MYO7B: variants seen among roughly 807,000 people sequenced by gnomAD.
MYO7B encodes the protein myosin VIIB, also known as unconventional myosin-VIIb.
In MYO7B, 212 loss-of-function variants were observed where a neutral mutation model predicts 259.7. The ratio of observed to expected loss-of-function variants is 0.82; its 90% CI spans 0.73 to 0.91. The LOEUF is 0.91. Among genes scored for constraint, MYO7B ranks in the 40% least tolerant of loss-of-function variants. The pLI is 0.00. For missense variants in MYO7B, 2,732 were observed against 2,813.5 expected (o/e 0.97, Z 0.66); for synonymous variants, 1,197 against 1,166.4 (o/e 1.03, Z -0.54).
At position 127,612,587 on chromosome 2, in the gene MYO7B, C is replaced by G. The variant is rs774839915; in HGVS notation, c.3382C>G (p.Leu1128Val). 1.9e-6 allele frequency: 3 copies of G among 1,609,894 alleles called. No homozygotes were observed. ...GCACTTCATCGTGGGCTACGCCATC[C>G]TGCGGCCCAGCCTCAGGTCAGTTCC... The part of the protein sequence containing the change: ...KVHFIVGYAI[L>V]RPSLRDEIYC... The change falls in exon 26 of 48, where the codon CTG (leucine) becomes GTG (valine). Residue 1128 changes from leucine (L) to valine (V), a missense_variant. This residue lies in a region of MYO7B where 1,906 missense variants were observed against 2,026.4 expected (regional missense o/e 0.94). Transcript: ENST00000409816.
In MYO7B at chr2:127,598,880, C is replaced by T. The variant is rs561505380; in HGVS notation, c.2339+2324C>T. On this transcript the variant is annotated intron_variant, in intron 19 of 47. Transcript: ENST00000409816. Reference sequence around the variant, plus strand: ...CTTTTACATCTTTATCAAAACCTAGCGGTGTGGGTCTGTTTCTATGTTCTC... The same window carrying T: ...CTTTTACATCTTTATCAAAACCTAGTGGTGTGGGTCTGTTTCTATGTTCTC... Among the ~76,000 whole-genome samples, 12 of 152,242 alleles carry T rather than the reference C, an allele frequency of 7.9e-5. No homozygotes were observed. The South Asian group carries it at 1.9e-3, about 24-fold the overall frequency.
rs1679801646 is a variant in MYO7B, at chr2:127,597,132, T to C, written c.2339+576T>C. ...GGAGCAGGGAGCTAGGGCCCACAGC[T>C]AGAGAGGCAGCTGTGCTGCTGGGAA... is the stretch of plus-strand genomic sequence containing the variant. On this transcript the variant is annotated intron_variant, in intron 19 of 47. Coordinates refer to ENST00000409816, the MANE Select transcript of MYO7B (RefSeq NM_001393586.1). This position sits in a 1 kb window ranked among gnomAD's most constrained non-coding sequence, Gnocchi z 4.8. 6.6e-6 allele frequency among the ~76,000 whole-genome samples: 1 copy of C among 152,154 alleles called. No individual in the cohort carries two copies. Among genetic ancestry groups the C allele is most frequent in the Admixed American group, 6.5e-5 (1 of 15,272 alleles).
Position 127,635,700 on chromosome 2 carries a change from G to A in MYO7B, c.5821-22G>A, listed in dbSNP as rs746437273. ...TGGGCCGCAGCTGGAGACCCAGCAT[G>A]CCCAGTGTGTCCATCACCCAGGAGC... On this transcript the variant is annotated intron_variant, in intron 43 of 47. Coordinates refer to ENST00000409816, the MANE Select transcript of MYO7B (RefSeq NM_001393586.1). 3.8e-6 allele frequency: 6 copies of A among 1,586,176 alleles called. No individual in the cohort carries two copies. In the African/African-American group the frequency reaches 8.1e-5, roughly 21 times the overall value.
rs1263432247 is a variant in MYO7B, at chr2:127,607,315, G to A, written c.2534G>A (p.Gly845Glu). ...GTCCAGCTGCAGGCCCTGTGCAGGG[G>A]ATACCTGGTGCGCCAGCAAGTCCAG... ...RTVQLQALCRGYLVRQQVQAK... is the reference protein window; with the variant it reads ...RTVQLQALCREYLVRQQVQAK... The change falls in exon 21 of 48, where the codon GGA becomes GAA. Residue 845 changes from glycine to glutamate, a missense_variant. By Grantham distance (98) the Gly-to-Glu change is moderately conservative. Coordinates refer to ENST00000409816, the MANE Select transcript of MYO7B (RefSeq NM_001393586.1). This position sits in a 1 kb window ranked among gnomAD's most constrained non-coding sequence, Gnocchi z 4.4. 2 of 1,551,398 alleles carry A rather than the reference G, an allele frequency of 1.3e-6. No individual in the cohort carries two copies. Among genetic ancestry groups the A allele is most frequent in the Non-Finnish European group, 1.7e-6 (2 of 1,146,914 alleles).
rs777308486 is a variant in MYO7B at position 127,625,470 on chromosome 2, C to A, written c.4150C>A (p.His1384Asn). The change falls in exon 31 of 48, where the codon CAC becomes AAC. Residue 1384 changes from histidine to asparagine, a missense_variant. Physicochemically the swap from His to Asn is moderately conservative, Grantham distance 68. Around this residue, in one of 3 missense-constraint regions of MYO7B, gnomAD observed 1,906 missense variants for 2,026.4 expected, o/e 0.94. Coordinates refer to ENST00000409816, the MANE Select transcript of MYO7B (RefSeq NM_001393586.1). ...VQELLPSCIP[H>N]KLYRTKPPDR... ...GGAGCTGCTGCCCAGCTGCATCCCCCACAAGCTGTACAGGACCAAGCCCCC... is the reference window on the plus strand; with the variant it reads ...GGAGCTGCTGCCCAGCTGCATCCCCAACAAGCTGTACAGGACCAAGCCCCC... 3 of 1,612,362 alleles carry A rather than the reference C, an allele frequency of 1.9e-6. No individual in the cohort carries two copies. Among genetic ancestry groups the A allele is most frequent in the Non-Finnish European group, 2.5e-6 (3 of 1,179,708 alleles).
In MYO7B at chr2:127,548,914, T is replaced by C. The variant is rs566695219; in HGVS notation, c.-23-10786T>C. On this transcript the variant is annotated intron_variant, in intron 1 of 47. Transcript: ENST00000409816. ...GGCTTTTCCAGTTATCTTTCTGTTA[T>C]TGATTTCTAGTTTAATTCCATTGTG... Among the ~76,000 whole-genome samples, 8 of 152,364 alleles carry C rather than the reference T, an allele frequency of 5.3e-5. No homozygotes were observed. The South Asian group carries it at 6.2e-4, about 12-fold the overall frequency.
intron 28 of MYO7B, among the ~76,000 whole-genome samples, 158 bp from the exon 29 acceptor site, chr2:127,623,044 G>T (rs1239649493): frequency 1.3e-5 from 2 of 152,228 alleles, no homozygotes; most frequent in Non-Finnish European, 2.9e-5. Context: ...TCTATGCCAA[G>T]CCCATGGCCT....
chr2:127,622,283 C>T (rs915255381), intron 28 of MYO7B, among the ~76,000 whole-genome samples, 182 bp downstream of exon 28: 5 of 152,180 alleles, frequency 3.3e-5, no homozygotes, highest in African/African-American at 1.2e-4. Flanking sequence ...TCGGCCTCCC[C>T]AGGCGTGACC....
chr2:127,618,423 A>T (rs867672613), intron 26 of MYO7B, among the ~76,000 whole-genome samples: 1 of 152,142 alleles, frequency 6.6e-6, no homozygotes, highest in African/African-American at 2.4e-5. Flanking sequence ...GGAGGAGGTA[A>T]CGATTGGTCA....
At chr2:127,618,762 TG>T (rs1680691311) in intron 26 of MYO7B, among the ~76,000 whole-genome samples, 1 of 152,026 alleles carries the variant, frequency 6.6e-6, no homozygotes, top group Non-Finnish European at 1.5e-5. Context: ...CTAAGGGAAG[TG>T]GGGAAAGTTT....
chr2:127,602,540 A>G lies in MYO7B; in HGVS notation c.2340-3304A>G, dbSNP rs550370194. ...GGTGGTGCATGCCTCTAGTCCAGCT[A>G]TTTGGGAGGCTGAGGTGGAAGGATC... On this transcript the variant is annotated intron_variant, in intron 19 of 47. Transcript: ENST00000409816. 6.6e-5 allele frequency among the ~76,000 whole-genome samples: 10 copies of G among 152,170 alleles called. No homozygotes were observed. The East Asian group carries it at 1.4e-3, about 21-fold the overall frequency.
intron 18 of MYO7B, 127 bp downstream of exon 18, chr2:127,593,771 T>C (rs7558838): frequency 0.55 from 447,377 of 816,066 alleles, 130,111 homozygotes; most frequent in African/African-American, 0.87. Context: ...CAGCTCAAAG[T>C]GTGGTCCCCA....
At chr2:127,612,395 C>G in intron 25 of MYO7B, 68 bp downstream of exon 25, 1 of 1,537,722 alleles carries the variant, frequency 6.5e-7, no homozygotes, top group Non-Finnish European at 8.8e-7. Flanking sequence ...CAGTCTATTG[C>G]TTCCCTCCCT....
chr2:127,616,261 A>G (rs185881972), intron 26 of MYO7B, among the ~76,000 whole-genome samples: 1 of 152,352 alleles, frequency 6.6e-6, no homozygotes, highest in Admixed American at 6.5e-5. Flanking sequence ...ACCATGAGAG[A>G]TCGTATCCAT....
At chr2:127,557,791 A>G (rs1677892741) in intron 1 of MYO7B, among the ~76,000 whole-genome samples, 1 of 152,358 alleles carries the variant, frequency 6.6e-6, no homozygotes, top group Non-Finnish European at 1.5e-5. Context: ...GAAAAGCCAC[A>G]TGTAGGAGAG....
chr2:127,636,444 G>GT lies in MYO7B; in HGVS notation c.6124-100dup. On this transcript the variant is annotated intron_variant, in intron 45 of 47. Coordinates refer to ENST00000409816, the MANE Select transcript of MYO7B (RefSeq NM_001393586.1). This position sits in a 1 kb window ranked among gnomAD's most constrained non-coding sequence, Gnocchi z 4.5. ...GGGGCTGGCCGTGAGGCTGGAGGGC[G>GT]TGGGTGTATGTGTGTATGTGCGTGT... 7.1e-7 allele frequency: 1 copy of GT among 1,410,788 alleles called. No individual in the cohort carries two copies. The highest frequency in any genetic ancestry group is 9.9e-7 in the Non-Finnish European group (1 of 1,012,134). 87.4% of individuals were successfully genotyped at this position (1,410,788 alleles called of 1,614,324 possible). A position where few individuals can be genotyped will look rare whatever the true frequency, so the allele number is the denominator to read the frequency against.
intron 9 of MYO7B, 44 bp from the exon 10 acceptor site, chr2:127,580,702 C>T (rs1193527910): frequency 3.2e-6 from 5 of 1,571,702 alleles, no homozygotes; most frequent in Middle Eastern, 1.7e-4. Flanking sequence ...GCTCCCATCG[C>T]TCCAGGCTGC....
In MYO7B at chr2:127,565,045, T is replaced by A. The variant is rs868650032; in HGVS notation, c.133-188T>A. On this transcript the variant is annotated intron_variant, in intron 3 of 47. Transcript: ENST00000409816. ...CTGACCCAGCCATAGATGGACCGGA[T>A]CCTGCCACAGGAGTCTCTTGACCCT... Among the ~76,000 whole-genome samples the A allele has an allele frequency of 1.4e-4, 22 of 152,292 alleles. No individual in the cohort carries two copies. In the Middle Eastern group the frequency reaches 0.017, roughly 118 times the overall value.
rs760670312 is a variant in MYO7B, at chr2:127,596,445, C to A, written c.2245-17C>A. 10 of 1,599,050 alleles carry A rather than the reference C, an allele frequency of 6.3e-6. No homozygotes were observed. The Admixed American group carries it at 1.5e-4, about 24-fold the overall frequency. On this transcript the variant is annotated splice_polypyrimidine_tract_variant and intron_variant, in intron 18 of 47. Transcript: ENST00000409816. ...GTGAGGGTGAGCAGCCCAGTGACGG[C>A]GTCTCTCCTGTTCCAGGATCATCAG... is the stretch of plus-strand genomic sequence containing the variant.
Sources: gnomAD v4.1 joint callset for allele counts (sites outside exome capture counted in the v4.1 genomes callset) on GRCh38, gnomAD v4.1.1 for gene constraint, gnomAD v4.1.1 regional missense constraint, Gnocchi (gnomAD v3.1) non-coding constraint, MANE v1.5 for transcripts, NCBI Gene and HGNC (gene_info 2026-07-23, HGNC 2026-07-21) for gene names.